The following DPP10 variants were observed in gnomAD, a reference collection of about 807,000 sequenced individuals.
The protein encoded by DPP10 is inactive dipeptidyl peptidase 10.
A neutral mutation model predicts 120.9 loss-of-function variants in DPP10; 33 were observed. That is an observed-to-expected ratio of 0.27 (90% CI 0.21 to 0.37). DPP10 has a LOEUF of 0.37. Ranked by LOEUF, DPP10 falls within the 10% of genes least tolerant of loss-of-function variation. The pLI, the probability that DPP10 is intolerant of heterozygous loss-of-function variation, is 1.00. For synonymous variants in DPP10, 337 were observed against 326.1 expected (o/e 1.03, Z -0.36); for missense variants, 816 against 942.8 (o/e 0.87, Z 1.76).
intron 13 of DPP10, among the ~76,000 whole-genome samples, chr2:115,775,480 G>GA (rs753388044): frequency 9.3e-5 from 14 of 150,012 alleles, no homozygotes; most frequent in East Asian, 3.9e-4. Flanking sequence ...ATGCAATCTA[G>GA]AAAAAAAAAT....
chr2:115,780,075 A>G (rs1682567443), intron 15 of DPP10, among the ~76,000 whole-genome samples: 1 of 151,896 alleles, frequency 6.6e-6, no homozygotes, highest in African/African-American at 2.4e-5. Flanking sequence ...TGAAATTGAG[A>G]CCTTTTGTCT....
intron 5 of DPP10, among the ~76,000 whole-genome samples, chr2:115,662,572 A>G (rs2089089931): frequency 1.3e-5 from 2 of 152,208 alleles, no homozygotes; most frequent in African/African-American, 4.8e-5. Context: ...AATGCAAATC[A>G]AAACCACACT....
chr2:115,385,282 C>T (rs1282811733), intron 3 of DPP10, among the ~76,000 whole-genome samples: 1 of 152,066 alleles, frequency 6.6e-6, no homozygotes, highest in African/African-American at 2.4e-5. Flanking sequence ...GAAGAGAGGC[C>T]TCACTGAGTC....
intron 1 of DPP10, among the ~76,000 whole-genome samples, chr2:114,767,227 A>T (rs1375268815): frequency 6.8e-6 from 1 of 147,208 alleles, no homozygotes; most frequent in African/African-American, 2.5e-5. Context: ...AAAAAAAAAA[A>T]AAAGTTTTAA....
rs577530322 is a variant in DPP10, at chr2:115,566,916, T to C, written c.441+40944T>C. On this transcript the variant is annotated intron_variant, in intron 5 of 25. Transcript: ENST00000410059. ...TGCCATCATCCTTTCTGTGTTTTTA[T>C]ATTCCTACTTTAACATTGAGAAACC... Among the ~76,000 whole-genome samples, 51 of 152,346 alleles carry C rather than the reference T, an allele frequency of 3.3e-4. 1 individual carries two copies. In the South Asian group the frequency reaches 0.011, roughly 32 times the overall value.
chr2:115,642,172 T>G (rs1264379974), intron 5 of DPP10, among the ~76,000 whole-genome samples: 2 of 152,156 alleles, frequency 1.3e-5, no homozygotes, highest in Admixed American at 6.6e-5. Context: ...AATGAGACAA[T>G]GCCTCATACA....
At chr2:115,005,881 T>C (rs1310248163) in intron 1 of DPP10, among the ~76,000 whole-genome samples, 1 of 151,966 alleles carries the variant, frequency 6.6e-6, no homozygotes, top group Non-Finnish European at 1.5e-5. Context: ...ACAAAGATAA[T>C]CCTCAAGAAG....
chr2:115,778,497 G>A (rs1682389419), intron 15 of DPP10, among the ~76,000 whole-genome samples: 1 of 151,996 alleles, frequency 6.6e-6, no homozygotes, highest in Non-Finnish European at 1.5e-5. Flanking sequence ...CTTTCACCAG[G>A]ATCTCACAAA....
intron 3 of DPP10, among the ~76,000 whole-genome samples, chr2:115,386,298 G>T (rs1451921295): frequency 1.3e-5 from 2 of 151,984 alleles, no homozygotes; most frequent in Non-Finnish European, 2.9e-5. Flanking sequence ...TCCATATTAG[G>T]TTCATCAGGG....
intron 1 of DPP10, among the ~76,000 whole-genome samples, chr2:114,740,498 A>C (rs932196081): frequency 1.4e-5 from 2 of 147,000 alleles, no homozygotes; most frequent in African/African-American, 5.3e-5. Flanking sequence ...CCTAAAACTT[A>C]AAGTAATAAT....
chr2:115,288,606 C>T (rs1043046122), intron 1 of DPP10, among the ~76,000 whole-genome samples: 1 of 151,790 alleles, frequency 6.6e-6, no homozygotes, highest in Non-Finnish European at 1.5e-5. Context: ...GCCTGTAATC[C>T]CAGCTACTCG....
intron 1 of DPP10, among the ~76,000 whole-genome samples, chr2:114,728,159 A>G (rs183730582): frequency 1.3e-3 from 196 of 152,328 alleles, no homozygotes; most frequent in African/African-American, 4.6e-3. Context: ...CTTCTTGGCG[A>G]ACAGACCACT....
intron 1 of DPP10, among the ~76,000 whole-genome samples, chr2:114,465,746 A>G (rs761478019): frequency 2.0e-5 from 3 of 152,230 alleles, no homozygotes; most frequent in Non-Finnish European, 2.9e-5. Context: ...TTTATGGAGC[A>G]CAGTGTGATA....
intron 1 of DPP10, among the ~76,000 whole-genome samples, chr2:114,687,267 C>G (rs1377611990): frequency 6.6e-6 from 1 of 151,860 alleles, no homozygotes; most frequent in East Asian, 1.9e-4. Context: ...CTGGCTGCAC[C>G]TGAGGGGGTC....
At chr2:115,317,957 C>T (rs1317323415) in intron 2 of DPP10, among the ~76,000 whole-genome samples, 1 of 152,008 alleles carries the variant, frequency 6.6e-6, no homozygotes, top group East Asian at 1.9e-4. Context: ...GCACAAAGTT[C>T]TTCATTCACC....
chr2:115,314,484 G>A (rs2061703975), intron 2 of DPP10, among the ~76,000 whole-genome samples: 1 of 152,168 alleles, frequency 6.6e-6, no homozygotes. Context: ...TTTTAGGTGT[G>A]CACAGTAGAT....
chr2:115,313,244 T>C (rs754455442), intron 2 of DPP10, among the ~76,000 whole-genome samples: 11 of 152,042 alleles, frequency 7.2e-5, no homozygotes, highest in Non-Finnish European at 1.5e-4. Context: ...AGAGTGGCAG[T>C]CATAAATTCA....
intron 1 of DPP10, among the ~76,000 whole-genome samples, chr2:114,566,033 A>C (rs892944407): frequency 6.6e-6 from 1 of 152,364 alleles, no homozygotes; most frequent in South Asian, 2.1e-4. Flanking sequence ...TATAATTCAG[A>C]CATATGAGAA....
rs78300733 is a variant in DPP10, at chr2:114,785,388, A to G, written c.60+342550A>G. ...GCTGTTTCTGGCAGCTCTGCCTGTG[A>G]CCAATTCTGCTGTCTCCTGCTGGGA... On this transcript the variant is annotated intron_variant, in intron 1 of 25. Transcript: ENST00000410059. Among the ~76,000 whole-genome samples, 123 of 151,932 alleles carry G rather than the reference A, an allele frequency of 8.1e-4. 5 individuals are homozygous for G. In the East Asian group the frequency reaches 0.024, roughly 29 times the overall value.
Sources: gnomAD v4.1 joint callset for allele counts (sites outside exome capture counted in the v4.1 genomes callset) on GRCh38, gnomAD v4.1.1 for gene constraint, MANE v1.5 for transcripts, NCBI Gene and HGNC (gene_info 2026-07-23, HGNC 2026-07-21) for gene names.